Variants in IRAK2 observed in about 807,000 individuals in gnomAD.
The protein encoded by IRAK2 is interleukin 1 receptor associated kinase 2, also known as interleukin-1 receptor-associated kinase-like 2.
A neutral mutation model predicts 72.0 loss-of-function variants in IRAK2; 57 were observed. The ratio of observed to expected loss-of-function variants is 0.79; its 90% confidence interval spans 0.64 to 0.99. The LOEUF is 0.99. Among genes scored for constraint, IRAK2 ranks in the 50% least tolerant of loss-of-function variants. The probability of loss-of-function intolerance (pLI) is 0.00; values close to 1 mark genes in which losing one functional copy is unlikely to be tolerated. For synonymous variants in IRAK2, 293 were observed against 312.7 expected, an observed-to-expected ratio of 0.94 and a Z score of 0.67; for missense variants, 790 against 794.4, an observed-to-expected ratio of 0.99 and a Z score of 0.07.
At chr3:10,176,580 A>C (rs1246690237) in intron 1 of IRAK2, among the ~76,000 whole-genome samples, 8 of 143,672 alleles carry the variant, frequency 5.6e-5, no homozygotes, top group South Asian at 2.2e-4. Context: ...CGGGTTCATG[A>C]CATTCTCCTG....
chr3:10,174,455 G>A (rs113197307), intron 1 of IRAK2, among the ~76,000 whole-genome samples: 10 of 152,120 alleles, frequency 6.6e-5, no homozygotes, highest in African/African-American at 2.4e-4. Flanking sequence ...TTGTTATGTG[G>A]TCCTGGGCTT....
chr3:10,209,360 A>C (rs1315599938), intron 3 of IRAK2, among the ~76,000 whole-genome samples: 1 of 152,050 alleles, frequency 6.6e-6, no homozygotes, highest in East Asian at 1.9e-4. Flanking sequence ...CCGTGTCTCC[A>C]CTTGCCAACT....
intron 11 of IRAK2, among the ~76,000 whole-genome samples, chr3:10,237,008 A>G (rs1030863044): frequency 1.3e-5 from 2 of 152,216 alleles, no homozygotes; most frequent in African/African-American, 2.4e-5. Context: ...TGCTCAGGCC[A>G]TCACACCTGC....
At chr3:10,199,957 G>A (rs1472913701) in intron 2 of IRAK2, among the ~76,000 whole-genome samples, 1 of 144,318 alleles carries the variant, frequency 6.9e-6, no homozygotes, top group Non-Finnish European at 1.5e-5. Flanking sequence ...GTGCGATCTT[G>A]GCTCACTGCA....
intron 2 of IRAK2, 64 bp downstream of exon 2, chr3:10,178,084 TGAG>T: frequency 1.6e-6 from 2 of 1,290,304 alleles, no homozygotes; most frequent in Non-Finnish European, 2.2e-6. Flanking sequence ...TCCATCCGTG[TGAG>T]TTGCACTCTC....
At chr3:10,192,176 G>A (rs946653114) in intron 2 of IRAK2, among the ~76,000 whole-genome samples, 2 of 152,164 alleles carry the variant, frequency 1.3e-5, no homozygotes, top group Admixed American at 6.5e-5. Flanking sequence ...CAGCTGGCAC[G>A]AGGGTGCTTT....
rs143662949 is a variant in IRAK2, at chr3:10,217,633, T to C, written c.903+585T>C. Among the ~76,000 whole-genome samples, 1,190 of 152,318 alleles carry C rather than the reference T, an allele frequency of 7.8e-3. 4 individuals carry two copies. Among genetic ancestry groups the C allele is most frequent in the Non-Finnish European group, 0.012 (841 of 68,030 alleles). On this transcript the variant is annotated intron_variant, in intron 7 of 12. Coordinates refer to ENST00000256458, the MANE Select transcript of IRAK2 (RefSeq NM_001570.4). ...GCTGCTAGGGAGCAGAACTAGGTGA[T>C]TGGGGCCTAGGATAAGAAGCAAACT...
chr3:10,222,619 T>C lies in IRAK2; in HGVS notation c.1014-17T>C, dbSNP rs757159035. On this transcript the variant is annotated splice_polypyrimidine_tract_variant and intron_variant, in intron 8 of 12. Coordinates refer to ENST00000256458, the MANE Select transcript of IRAK2 (RefSeq NM_001570.4). Reference sequence around the variant, plus strand: ...CAGCTCAAAATGAGAAGGTTCCCTCTCCTTTCATTTCCACAGCTCTAATGT... The same window carrying C: ...CAGCTCAAAATGAGAAGGTTCCCTCCCCTTTCATTTCCACAGCTCTAATGT... 6.2e-7 allele frequency: 1 copy of C among 1,608,414 alleles called. No homozygotes were observed. Among genetic ancestry groups the C allele is most frequent in the East Asian group, 2.2e-5 (1 of 44,818 alleles).
chr3:10,189,815 C>G (rs1182824471), intron 2 of IRAK2, among the ~76,000 whole-genome samples: 1 of 152,040 alleles, frequency 6.6e-6, no homozygotes, highest in East Asian at 1.9e-4. Flanking sequence ...TGTGTCTGCT[C>G]TCTTGGAAGG....
chr3:10,176,830 T>C (rs377310157), intron 1 of IRAK2, among the ~76,000 whole-genome samples: 229 of 147,992 alleles, frequency 1.5e-3, no homozygotes, highest in Middle Eastern at 7.6e-3. Context: ...TGAGATGGAG[T>C]CTCGCTCTGT....
intron 12 of IRAK2, among the ~76,000 whole-genome samples, chr3:10,239,506 CCAGATCACCTG>C (rs1698018994): frequency 1.1e-4 from 4 of 37,078 alleles, no homozygotes; most frequent in African/African-American, 4.2e-4. Context: ...GTCACCCTGG[CCAGATCACCTG>C]AGATCGAGAC....
intron 2 of IRAK2, among the ~76,000 whole-genome samples, chr3:10,185,566 A>G (rs2125145852): frequency 6.7e-6 from 1 of 148,348 alleles, no homozygotes; most frequent in East Asian, 2.0e-4. Context: ...CTCAAAAAAA[A>G]AAAAAAAAAA....
At chr3:10,191,560 T>C (rs1697176603) in intron 2 of IRAK2, among the ~76,000 whole-genome samples, 1 of 152,154 alleles carries the variant, frequency 6.6e-6, no homozygotes, top group Non-Finnish European at 1.5e-5. Flanking sequence ...CATCCTTCAC[T>C]TGCGGGGATA....
At chr3:10,179,177 T>G (rs1696923113) in intron 2 of IRAK2, among the ~76,000 whole-genome samples, 1 of 152,162 alleles carries the variant, frequency 6.6e-6, no homozygotes, top group Non-Finnish European at 1.5e-5. Context: ...TATTGACACA[T>G]TCTTTCTAAT....
chr3:10,238,037 G>T (rs1222613726), intron 11 of IRAK2, among the ~76,000 whole-genome samples: 1 of 150,816 alleles, frequency 6.6e-6, no homozygotes, highest in African/African-American at 2.4e-5. Context: ...ACCTTCCAGG[G>T]CAACATCTAT....
At chr3:10,202,447 C>T (rs1697376744) in intron 3 of IRAK2, among the ~76,000 whole-genome samples, 1 of 151,928 alleles carries the variant, frequency 6.6e-6, no homozygotes. Context: ...CACGGTGAAA[C>T]CCTGTCTCTA....
intron 2 of IRAK2, among the ~76,000 whole-genome samples, chr3:10,194,517 T>G (rs932535629): frequency 6.6e-6 from 1 of 152,256 alleles, no homozygotes; most frequent in Non-Finnish European, 1.5e-5. Context: ...CAGCCCTTTC[T>G]TGTAGGCATT....
chr3:10,207,165 A>G (rs2125153500), intron 3 of IRAK2, among the ~76,000 whole-genome samples: 1 of 150,140 alleles, frequency 6.7e-6, no homozygotes, highest in South Asian at 2.1e-4. Flanking sequence ...ATCTTGGCTC[A>G]TGGTCTTAAA....
chr3:10,213,232 A>C lies in IRAK2; in HGVS notation c.554A>C (p.Gln185Pro), dbSNP rs1377382525. The C allele has an allele frequency of 6.2e-7, 1 of 1,614,110 alleles. No homozygotes were observed. Among genetic ancestry groups the C allele is most frequent in the South Asian group, 1.1e-5 (1 of 91,074 alleles). The change falls in exon 5 of 13, where the codon CAG becomes CCG. Residue 185 changes from glutamine to proline, a missense_variant. Gln to Pro is a moderately conservative substitution (Grantham distance 76, BLOSUM62 -1). Transcript: ENST00000256458. ...GACTTCAGCACCTCCATTCCTAAGC[A>C]GGAAAAACTTTTGAGCTTGGCTGGA... ...SKDFSTSIPKQEKLLSLAGDS... is the reference protein window; with the variant it reads ...SKDFSTSIPKPEKLLSLAGDS...
Sources: gnomAD v4.1 joint callset for allele counts (sites outside exome capture counted in the v4.1 genomes callset) on GRCh38, gnomAD v4.1.1 for gene constraint, MANE v1.5 for transcripts, NCBI Gene and HGNC (gene_info 2026-07-23, HGNC 2026-07-21) for gene names.